SPAG16: variants seen among roughly 807,000 people sequenced by gnomAD.
SPAG16 encodes the protein sperm-associated antigen 16 protein.
SPAG16 carries 86 observed loss-of-function variants against 80.4 expected under a neutral mutation model. That is an observed-to-expected ratio of 1.07 (90% confidence interval 0.90 to 1.28). The LOEUF is 1.28. SPAG16 is among the 50% of genes most tolerant of loss of function. The pLI, the probability that SPAG16 is intolerant of heterozygous loss-of-function variation, is 0.00. For missense variants in SPAG16, 870 were observed against 765.3 expected (o/e 1.14, Z -1.61); for synonymous variants, 294 against 265.9 (o/e 1.11, Z -1.03).
intron 5 of SPAG16, among the ~76,000 whole-genome samples, chr2:213,319,651 C>A (rs978754014): frequency 7.9e-5 from 12 of 151,892 alleles, no homozygotes; most frequent in Admixed American, 1.3e-4. Context: ...TGTTTCAGTT[C>A]CTGATCTCCT....
intron 10 of SPAG16, among the ~76,000 whole-genome samples, chr2:213,683,813 G>A (rs6707387): frequency 0.21 from 31,789 of 152,020 alleles, 4,146 homozygotes; most frequent in East Asian, 0.36. Context: ...AACTAGGCCA[G>A]TGTACTATAA....
intron 12 of SPAG16, among the ~76,000 whole-genome samples, chr2:213,993,904 T>C (rs957722387): frequency 1.3e-5 from 2 of 152,216 alleles, no homozygotes; most frequent in Admixed American, 1.3e-4. Context: ...CTGGCCACTT[T>C]GTTGTATTTG....
intron 13 of SPAG16, among the ~76,000 whole-genome samples, chr2:214,031,534 A>G (rs2048412306): frequency 6.8e-6 from 1 of 146,226 alleles, no homozygotes; most frequent in Admixed American, 6.8e-5. Context: ...AGCATGGCAC[A>G]TGTATACATA....
In SPAG16 at chr2:214,011,425, T is replaced by C. The variant is rs1225817852; in HGVS notation, c.1401-2526T>C. 4.2e-5 allele frequency among the ~76,000 whole-genome samples: 5 copies of C among 118,810 alleles called. 1 individual carries two copies. Among genetic ancestry groups the C allele is most frequent in the East Asian group, 2.3e-4 (1 of 4,428 alleles). The allele number at this position is 118,810 out of a possible 152,430, so 77.9% of individuals were successfully genotyped here. A position where few individuals can be genotyped will look rare whatever the true frequency, so the allele number is the denominator to read the frequency against. On this transcript the variant is annotated intron_variant, in intron 12 of 15. Coordinates refer to ENST00000331683, the MANE Select transcript of SPAG16 (RefSeq NM_024532.5). ...AAGTATACTCGTAAATATTCTAATA[T>C]ATTGGTATACTTCTTGGGTCAGCAA...
At chr2:213,412,938 T>A (rs1440575671) in intron 9 of SPAG16, among the ~76,000 whole-genome samples, 1 of 152,190 alleles carries the variant, frequency 6.6e-6, no homozygotes, top group African/African-American at 2.4e-5. Flanking sequence ...ATTATTAAAT[T>A]GATAATTTTA....
chr2:213,947,707 C>T (rs934636921), intron 12 of SPAG16, among the ~76,000 whole-genome samples: 7 of 152,014 alleles, frequency 4.6e-5, no homozygotes, highest in African/African-American at 7.2e-5. Context: ...ACCTAATTTT[C>T]GAGAAAGGCA....
chr2:214,070,532 G>T (rs565914120), intron 13 of SPAG16, among the ~76,000 whole-genome samples: 1 of 151,852 alleles, frequency 6.6e-6, no homozygotes, highest in African/African-American at 2.4e-5. Context: ...TTTCTAGTCG[G>T]TTCCAGCCAT....
chr2:213,989,833 T>C (rs536987866), intron 12 of SPAG16, among the ~76,000 whole-genome samples: 161 of 152,188 alleles, frequency 1.1e-3, no homozygotes, highest in Non-Finnish European at 1.8e-3. Flanking sequence ...ATGACAGAAA[T>C]GGTTAATGAG....
At position 213,969,822 on chromosome 2, in the gene SPAG16, A is replaced by G. The variant is rs182256009; in HGVS notation, c.1400+39677A>G. ...ACCGAGTGTGTGTAAAATGTGGAAG[A>G]AAAAAAAACACCCTTTAGCCACTAT... On this transcript the variant is annotated intron_variant, in intron 12 of 15. Coordinates refer to ENST00000331683, the MANE Select transcript of SPAG16 (RefSeq NM_024532.5). 9.6e-4 allele frequency among the ~76,000 whole-genome samples: 144 copies of G among 150,658 alleles called. 1 individual carries two copies. Among genetic ancestry groups the G allele is most frequent in the Non-Finnish European group, 1.7e-3 (114 of 67,226 alleles).
intron 10 of SPAG16, among the ~76,000 whole-genome samples, chr2:213,596,423 G>A (rs977250424): frequency 2.6e-5 from 4 of 152,120 alleles, no homozygotes; most frequent in South Asian, 2.1e-4. Context: ...TCTTCATTCA[G>A]ATCACACTAA....
At chr2:213,468,751 C>A (rs2072901421) in intron 9 of SPAG16, among the ~76,000 whole-genome samples, 1 of 146,948 alleles carries the variant, frequency 6.8e-6, no homozygotes, top group Non-Finnish European at 1.5e-5. Flanking sequence ...ACATATATAT[C>A]ATATATATAT....
chr2:214,110,228 T>G (rs1576235019), intron 14 of SPAG16, among the ~76,000 whole-genome samples: 1 of 152,112 alleles, frequency 6.6e-6, no homozygotes, highest in Non-Finnish European at 1.5e-5. Context: ...CCATGTTGGT[T>G]TCCTGCATCC....
At chr2:214,012,196 T>G (rs189293102) in intron 12 of SPAG16, among the ~76,000 whole-genome samples, 139 of 145,556 alleles carry the variant, frequency 9.5e-4, no homozygotes, top group African/African-American at 3.4e-3. Context: ...AATCAAAGAT[T>G]AACTATCTGA....
chr2:213,532,564 C>T (rs1337033950), intron 10 of SPAG16, among the ~76,000 whole-genome samples: 1 of 151,190 alleles, frequency 6.6e-6, no homozygotes, highest in African/African-American at 2.4e-5. Context: ...CAGGTTCAAG[C>T]GATTCTCCTG....
At chr2:213,549,497 A>G (rs1009126997) in intron 10 of SPAG16, among the ~76,000 whole-genome samples, 1 of 152,114 alleles carries the variant, frequency 6.6e-6, no homozygotes, top group African/African-American at 2.4e-5. Context: ...AGTCCTATTG[A>G]TTCTGACTAC....
chr2:213,442,213 G>A (rs1451964142), intron 9 of SPAG16, among the ~76,000 whole-genome samples: 1 of 152,110 alleles, frequency 6.6e-6, no homozygotes, highest in Non-Finnish European at 1.5e-5. Flanking sequence ...AAATACTTAG[G>A]TCTAAATCTA....
rs151149200 is a variant in SPAG16, at chr2:213,335,209, G to T, written c.537-4954G>T. Among the ~76,000 whole-genome samples the T allele has an allele frequency of 9.2e-4, 140 of 152,200 alleles. No homozygotes were observed. The Middle Eastern group carries it at 0.01, about 11-fold the overall frequency. ...GCAAATAACAAGACAATTCAAAAAG[G>T]TTGTCACAAACATAATGAACTGTTC... is the stretch of plus-strand genomic sequence containing the variant. On this transcript the variant is annotated intron_variant, in intron 5 of 15. Transcript: ENST00000331683.
chr2:213,384,210 C>CAGTATT (rs1352638175), intron 9 of SPAG16, among the ~76,000 whole-genome samples: 2 of 152,100 alleles, frequency 1.3e-5, no homozygotes, highest in African/African-American at 4.8e-5. Context: ...CCCCAATATG[C>CAGTATT]AGTATTATTT....
intron 8 of SPAG16, among the ~76,000 whole-genome samples, chr2:213,374,268 CATCCAG>C (rs1458529738): frequency 6.6e-6 from 1 of 152,172 alleles, no homozygotes; most frequent in Non-Finnish European, 1.5e-5. Context: ...TCATTGAAAT[CATCCAG>C]ACATTTCTTT....
Sources: gnomAD v4.1 joint callset for allele counts (sites outside exome capture counted in the v4.1 genomes callset) on GRCh38, gnomAD v4.1.1 for gene constraint, MANE v1.5 for transcripts, NCBI Gene and HGNC (gene_info 2026-07-23, HGNC 2026-07-21) for gene names.